The following R3HDM2 variants were observed in gnomAD, a reference collection of about 807,000 sequenced individuals.
R3HDM2 encodes the protein R3H domain containing 2, also known as R3H domain-containing protein 2.
Under a neutral mutation model 124.5 loss-of-function variants are expected in R3HDM2, and 38 were observed. That is an observed-to-expected ratio of 0.31 (90% CI 0.24 to 0.40). R3HDM2 has a LOEUF of 0.40. R3HDM2 is among the 10% of genes least tolerant of loss of function. The pLI, the probability that R3HDM2 is intolerant of heterozygous loss-of-function variation, is 1.00. For synonymous variants in R3HDM2, 391 were observed against 448.0 expected (o/e 0.87, Z 1.61); for missense variants, 869 against 1,236.9 (o/e 0.70, Z 4.46).
intron 2 of R3HDM2, among the ~76,000 whole-genome samples, chr12:57,345,851 T>C (rs7309659): frequency 0.44 from 66,181 of 152,044 alleles, 15,164 homozygotes; most frequent in South Asian, 0.52. Context: ...CAGCTTCATA[T>C]TTCTTATCAA....
chr12:57,254,916 A>G lies in R3HDM2; in HGVS notation c.2830T>C (p.Tyr944His). ...NGRHSDLAAL[Y>H]TIVAVFPSPL... ...CTGGGGAACACAGCCACAATGGTGT[A>G]CAAGGCAGCGAGGTCCGAGTGGCGG... Residue 944 changes from tyrosine to histidine, a missense_variant, in exon 24 of 24, where the codon TAC becomes CAC. Around this residue, in one of 2 missense-constraint regions of R3HDM2, gnomAD observed 602 missense variants for 789.2 expected, o/e 0.76. Coordinates refer to ENST00000402412, the MANE Select transcript of R3HDM2 (RefSeq NM_001394031.1). The G allele has an allele frequency of 6.2e-7, 1 of 1,614,158 alleles. No homozygotes were observed. Among genetic ancestry groups the G allele is most frequent in the Non-Finnish European group, 8.5e-7 (1 of 1,180,012 alleles).
intron 1 of R3HDM2, among the ~76,000 whole-genome samples, chr12:57,399,971 GCCAAAGAAT>G (rs2067904155): frequency 6.6e-6 from 1 of 152,178 alleles, no homozygotes; most frequent in Admixed American, 6.6e-5. Flanking sequence ...TCACTGACTT[GCCAAAGAAT>G]CTTGTTTATT....
rs2038176204 is a variant in R3HDM2, at chr12:57,253,970, T to C, written c.*803A>G. ...AAGTGTTCTGGGGGGGCCAGGGGAA[T>C]CCCAAGTTTTAACTCTGTGGGGTCT... On this transcript the variant is annotated 3_prime_UTR_variant, in exon 24 of 24. Coordinates refer to ENST00000402412, the MANE Select transcript of R3HDM2 (RefSeq NM_001394031.1). 1 of 357,316 alleles carries C rather than the reference T, an allele frequency of 2.8e-6. No individual in the cohort carries two copies. The highest frequency in any genetic ancestry group is 5.3e-6 in the Non-Finnish European group (1 of 188,188). 22.1% of individuals were successfully genotyped at this position (357,316 alleles called of 1,614,324 possible).
At chr12:57,354,771 T>G (rs904866259) in intron 2 of R3HDM2, among the ~76,000 whole-genome samples, 2 of 152,174 alleles carry the variant, frequency 1.3e-5, no homozygotes, top group African/African-American at 4.8e-5. Context: ...TTCTAAAACT[T>G]ACATTTTCTG....
chr12:57,287,345 T>C lies in R3HDM2; in HGVS notation c.938+1664A>G, dbSNP rs571717374. Among the ~76,000 whole-genome samples the C allele has an allele frequency of 2.3e-4, 35 of 152,322 alleles. No homozygotes were observed. The South Asian group carries it at 7.0e-3, about 31-fold the overall frequency. On this transcript the variant is annotated intron_variant, in intron 12 of 23. Transcript: ENST00000402412. ...TGGGATGATCTATGACCCCGAAGTG[T>C]AGACTGTGGAACAGGAATCCTGATT...
intron 2 of R3HDM2, among the ~76,000 whole-genome samples, chr12:57,338,895 TGGC>T (rs2059204259): frequency 6.6e-6 from 1 of 152,038 alleles, no homozygotes. Flanking sequence ...TTAATAATAA[TGGC>T]TAATGCTAAG....
At chr12:57,259,233 C>T (rs1462079684) in intron 19 of R3HDM2, among the ~76,000 whole-genome samples, 174 bp from the exon 20 acceptor site, 2 of 152,232 alleles carry the variant, frequency 1.3e-5, no homozygotes, top group Non-Finnish European at 2.9e-5. Context: ...TCCATCTTCT[C>T]AAACCAGTAG....
At chr12:57,371,930 C>G (rs983809226) in intron 2 of R3HDM2, among the ~76,000 whole-genome samples, 1 of 152,280 alleles carries the variant, frequency 6.6e-6, no homozygotes, top group Middle Eastern at 3.4e-3. Context: ...TGCAATGGTG[C>G]GGTCTCGGCT....
At chr12:57,393,640 G>A (rs981129858) in intron 2 of R3HDM2, among the ~76,000 whole-genome samples, 5 of 151,994 alleles carry the variant, frequency 3.3e-5, no homozygotes, top group East Asian at 1.9e-4. Flanking sequence ...GAGAAAAAGA[G>A]GCAAGAATAA....
chr12:57,398,615 A>G (rs1461146453), intron 1 of R3HDM2, among the ~76,000 whole-genome samples: 1 of 151,948 alleles, frequency 6.6e-6, no homozygotes, highest in African/African-American at 2.4e-5. Context: ...CAACCTCCCA[A>G]GTAGGTGGGA....
At chr12:57,363,598 A>T (rs1436420117) in intron 2 of R3HDM2, among the ~76,000 whole-genome samples, 1 of 152,244 alleles carries the variant, frequency 6.6e-6, no homozygotes, top group Non-Finnish European at 1.5e-5. Context: ...ATGCAACAAA[A>T]TAATAAAATT....
intron 2 of R3HDM2, among the ~76,000 whole-genome samples, chr12:57,375,549 G>T (rs981801158): frequency 5.3e-5 from 8 of 151,996 alleles, no homozygotes; most frequent in Non-Finnish European, 1.0e-4. Flanking sequence ...AAGAAGCAGC[G>T]TTTTTTCAAT....
chr12:57,361,703 A>G (rs2061988010), intron 2 of R3HDM2, among the ~76,000 whole-genome samples: 1 of 152,124 alleles, frequency 6.6e-6, no homozygotes, highest in East Asian at 1.9e-4. Flanking sequence ...AAAACCTAAG[A>G]AAGGCATACC....
chr12:57,319,422 C>G (rs2055909236), intron 2 of R3HDM2, among the ~76,000 whole-genome samples: 1 of 152,080 alleles, frequency 6.6e-6, no homozygotes, highest in South Asian at 2.1e-4. Flanking sequence ...GCTTGTATAC[C>G]TCTTAGTGAA....
chr12:57,425,376 T>G (rs1009321780), intron 1 of R3HDM2, among the ~76,000 whole-genome samples: 3 of 152,166 alleles, frequency 2.0e-5, no homozygotes, highest in Non-Finnish European at 2.9e-5. Flanking sequence ...TCCAGACAAA[T>G]GCATAGCAGA....
intron 2 of R3HDM2, among the ~76,000 whole-genome samples, chr12:57,335,665 C>CTTT: frequency 7.5e-6 from 1 of 133,400 alleles, no homozygotes; most frequent in East Asian, 2.2e-4. Flanking sequence ...ACCCAGCTAA[C>CTTT]TTTTTTTTTT....
chr12:57,362,105 C>G (rs1332259279), intron 2 of R3HDM2, among the ~76,000 whole-genome samples: 1 of 152,182 alleles, frequency 6.6e-6, no homozygotes, highest in Non-Finnish European at 1.5e-5. Flanking sequence ...GCACTCCATC[C>G]TGGGAGACAG....
chr12:57,406,321 C>CAAAAAAA (rs371243114), intron 1 of R3HDM2, among the ~76,000 whole-genome samples: 1 of 55,358 alleles, frequency 1.8e-5, no homozygotes, highest in African/African-American at 6.7e-5. Context: ...AACTCCGTCT[C>CAAAAAAA]AAAAAAAAAA....
rs1195359013 is a variant in R3HDM2 at position 57,254,199 on chromosome 12, A to G, written c.*574T>C. The G allele has an allele frequency of 6.6e-6, 3 of 456,246 alleles. No homozygotes were observed. The Admixed American group carries it at 7.1e-5, about 11-fold the overall frequency. 28.3% of individuals were successfully genotyped at this position (456,246 alleles called of 1,614,324 possible). On this transcript the variant is annotated 3_prime_UTR_variant, in exon 24 of 24. Coordinates refer to ENST00000402412, the MANE Select transcript of R3HDM2 (RefSeq NM_001394031.1). ...TTATGATAGGAGAAGAGATTTAAAA[A>G]AATGATAGAAGAGGATGGAAGCCAG...
Sources: gnomAD v4.1 joint callset for allele counts (sites outside exome capture counted in the v4.1 genomes callset) on GRCh38, gnomAD v4.1.1 for gene constraint, gnomAD v4.1.1 regional missense constraint, MANE v1.5 for transcripts, NCBI Gene and HGNC (gene_info 2026-07-23, HGNC 2026-07-21) for gene names.